SMAD1: variants seen among roughly 807,000 people sequenced by gnomAD.
SMAD1 encodes the protein MAD, mothers against decapentaplegic homolog 1.
Under a neutral mutation model 41.6 loss-of-function variants are expected in SMAD1, and 6 were observed. That is an observed-to-expected ratio of 0.14 (90% CI 0.08 to 0.28). The LOEUF (loss-of-function observed/expected upper bound fraction) is 0.28. Among genes scored for constraint, SMAD1 ranks in the 10% least tolerant of loss-of-function variants. SMAD1 has a pLI of 1.00. For synonymous variants in SMAD1, 206 were observed against 203.2 expected (o/e 1.01, Z -0.12); for missense variants, 379 against 582.6 (o/e 0.65, Z 3.60).
intron 4 of SMAD1, chr4:145,546,458 G>A (rs572714313): frequency 2.4e-5 from 12 of 497,776 alleles, no homozygotes; most frequent in African/African-American, 2.1e-4. Context: ...CTTAGCTGGT[G>A]TTTTGGTTAT....
chr4:145,547,741 G>C (rs79633390), intron 5 of SMAD1, among the ~76,000 whole-genome samples: 1,694 of 152,286 alleles, frequency 0.011, 41 homozygotes, highest in African/African-American at 0.037. Flanking sequence ...GGAGCAAAAA[G>C]TAAACCCTGT....
chr4:145,532,800 C>T (rs775472924), intron 2 of SMAD1, among the ~76,000 whole-genome samples: 37 of 152,162 alleles, frequency 2.4e-4, no homozygotes, highest in Admixed American at 2.0e-4. Context: ...GGAAACACTG[C>T]TCACCCTCTC....
At chr4:145,548,805 A>C (rs1373817383) in intron 5 of SMAD1, among the ~76,000 whole-genome samples, 1 of 152,214 alleles carries the variant, frequency 6.6e-6, no homozygotes, top group Non-Finnish European at 1.5e-5. Flanking sequence ...AGGGAGAATA[A>C]AAAGCATTAA....
chr4:145,481,828 C>A, upstream of SMAD1: 1 of 166,658 alleles, frequency 6.0e-6, no homozygotes, highest in South Asian at 1.5e-4. Context: ...CTGGGCAGCT[C>A]CGACTCCCTG....
chr4:145,542,688 C>CTT lies in SMAD1; in HGVS notation c.765_766insTT (p.Asn256LeufsTer126). The CTT allele has an allele frequency of 6.2e-7, 1 of 1,607,368 alleles. No individual in the cohort carries two copies. The highest frequency in any genetic ancestry group is 8.5e-7 in the Non-Finnish European group (1 of 1,175,138). On this transcript the variant is annotated frameshift_variant, in exon 4 of 7. Coordinates refer to ENST00000302085, the MANE Select transcript of SMAD1 (RefSeq NM_005900.3). LOFTEE classifies it high-confidence loss of function. ...TGGCGCCTCCCCTGCCCTCAGAAAT[C>CTT]AACAGAGGAGGTAAAACTAATTGCT...
chr4:145,553,429 T>G (rs1368717094), intron 5 of SMAD1, among the ~76,000 whole-genome samples: 3 of 152,128 alleles, frequency 2.0e-5, no homozygotes, highest in African/African-American at 7.2e-5. Context: ...CATCAGGCAT[T>G]AGATTCTCAT....
chr4:145,541,684 T>G (rs1260550828), intron 3 of SMAD1, among the ~76,000 whole-genome samples: 1 of 152,220 alleles, frequency 6.6e-6, no homozygotes, highest in Non-Finnish European at 1.5e-5. Flanking sequence ...AGGAACAACA[T>G]GAGTTGTTTG....
chr4:145,523,683 G>A (rs1366663119), intron 2 of SMAD1, among the ~76,000 whole-genome samples: 2 of 152,126 alleles, frequency 1.3e-5, no homozygotes, highest in Admixed American at 6.5e-5. Context: ...ATAGCTTGGA[G>A]ATGAAGGAAG....
intron 1 of SMAD1, among the ~76,000 whole-genome samples, chr4:145,492,724 C>G (rs1326377503): frequency 6.6e-6 from 1 of 152,212 alleles, no homozygotes; most frequent in Non-Finnish European, 1.5e-5. Flanking sequence ...TGCCACCATC[C>G]TAAAGCTAGT....
intron 1 of SMAD1, among the ~76,000 whole-genome samples, chr4:145,512,663 C>CT (rs1730148383): frequency 6.6e-6 from 1 of 152,124 alleles, no homozygotes; most frequent in Non-Finnish European, 1.5e-5. Context: ...ATCATTAATA[C>CT]TTTAAAGTCT....
At chr4:145,554,814 A>C (rs1258640870) in intron 6 of SMAD1, among the ~76,000 whole-genome samples, 1 of 152,210 alleles carries the variant, frequency 6.6e-6, no homozygotes, top group African/African-American at 2.4e-5. Context: ...ATTCTCAAAA[A>C]TAAATTTCAT....
intron 2 of SMAD1, among the ~76,000 whole-genome samples, chr4:145,525,276 G>A (rs1196229976): frequency 2.0e-5 from 3 of 152,112 alleles, no homozygotes; most frequent in Non-Finnish European, 4.4e-5. Context: ...AATGTTCTCC[G>A]GAAAGACTAA....
chr4:145,539,362 A>T (rs1228655371), intron 2 of SMAD1, among the ~76,000 whole-genome samples: 3 of 152,214 alleles, frequency 2.0e-5, no homozygotes, highest in African/African-American at 7.2e-5. Flanking sequence ...TCAGCTTAAA[A>T]CACTTGTGGT....
At chr4:145,546,351 GT>G (rs1732252490) in intron 4 of SMAD1, 1 of 209,954 alleles carries the variant, frequency 4.8e-6, no homozygotes, top group African/African-American at 2.3e-5. Context: ...TCTTTAGATG[GT>G]GAGCCAAAGT....
intron 1 of SMAD1, among the ~76,000 whole-genome samples, chr4:145,499,592 G>A (rs758077339): frequency 6.6e-6 from 1 of 152,126 alleles, no homozygotes; most frequent in Non-Finnish European, 1.5e-5. Context: ...TCCAGCGTGG[G>A]CAACAGAGCA....
Position 145,514,157 on chromosome 4 carries a change from G to T in SMAD1, c.-176-281G>T, listed in dbSNP as rs1204443077. Among the ~76,000 whole-genome samples the T allele has an allele frequency of 6.6e-6, 1 of 152,140 alleles. No individual in the cohort carries two copies. Among genetic ancestry groups the T allele is most frequent in the Non-Finnish European group, 1.5e-5 (1 of 68,016 alleles). The stretch of plus-strand genomic sequence containing the variant: ...CCTCAGTGTGTGTGCATAGAGGCTG[G>T]AGGAGGGAGATAGCAATCTTAAGAC... On this transcript the variant is annotated intron_variant, in intron 1 of 6. Coordinates refer to ENST00000302085, the MANE Select transcript of SMAD1 (RefSeq NM_005900.3). This position sits in a 1 kb window ranked among gnomAD's most constrained non-coding sequence, Gnocchi z 4.7.
intron 2 of SMAD1, among the ~76,000 whole-genome samples, chr4:145,522,375 G>C (rs1388001837): frequency 3.3e-5 from 5 of 152,200 alleles, no homozygotes; most frequent in Non-Finnish European, 7.3e-5. Context: ...GCCAAGGCGG[G>C]TGGATCACCT....
intron 5 of SMAD1, among the ~76,000 whole-genome samples, chr4:145,549,424 C>T (rs948634305): frequency 2.0e-5 from 3 of 152,134 alleles, no homozygotes; most frequent in Non-Finnish European, 2.9e-5. Flanking sequence ...ATCTGTCTAT[C>T]CAAAACCTGT....
chr4:145,532,656 C>G (rs1001860751), intron 2 of SMAD1, among the ~76,000 whole-genome samples: 1 of 152,186 alleles, frequency 6.6e-6, no homozygotes, highest in African/African-American at 2.4e-5. Flanking sequence ...AAGTCCCACA[C>G]TTTAGCCATA....
Sources: gnomAD v4.1 joint callset for allele counts (sites outside exome capture counted in the v4.1 genomes callset) on GRCh38, gnomAD v4.1.1 for gene constraint, Gnocchi (gnomAD v3.1) non-coding constraint, MANE v1.5 for transcripts, NCBI Gene and HGNC (gene_info 2026-07-23, HGNC 2026-07-21) for gene names.